The following ZDHHC17 variants were observed in gnomAD, a reference collection of about 807,000 sequenced individuals.
The protein encoded by ZDHHC17 is palmitoyltransferase ZDHHC17.
In ZDHHC17, 40 loss-of-function variants were observed where a neutral mutation model predicts 90.3. The observed-to-expected ratio is 0.44, with a 90% CI of 0.34 to 0.58. The LOEUF (loss-of-function observed/expected upper bound fraction) is 0.58, where lower values mean the gene tolerates loss of function less well. Among genes scored for constraint, ZDHHC17 ranks in the 20% least tolerant of loss-of-function variants. The pLI is 0.01. For missense variants in ZDHHC17, 614 were observed against 780.8 expected (o/e 0.79, Z 2.55); for synonymous variants, 235 against 252.4 (o/e 0.93, Z 0.65).
At chr12:76,813,172 C>T (rs1350218848) in intron 5 of ZDHHC17, 2 of 263,990 alleles carry the variant, frequency 7.6e-6, no homozygotes, top group Non-Finnish European at 1.5e-5. Flanking sequence ...TAAGAATTTA[C>T]ATGCTTGCTT....
chr12:76,820,692 A>G (rs780406556), intron 7 of ZDHHC17, among the ~76,000 whole-genome samples: 1 of 152,114 alleles, frequency 6.6e-6, no homozygotes, highest in East Asian at 1.9e-4. Context: ...CCAAGGAAAA[A>G]TTTTTTTAAA....
chr12:76,828,914 G>A (rs906726311), intron 10 of ZDHHC17, among the ~76,000 whole-genome samples: 1 of 152,022 alleles, frequency 6.6e-6, no homozygotes, highest in Non-Finnish European at 1.5e-5. Flanking sequence ...AATGGGTAAA[G>A]GACACAGACA....
intron 10 of ZDHHC17, among the ~76,000 whole-genome samples, chr12:76,833,226 T>C (rs528520071): frequency 1.2e-4 from 18 of 152,324 alleles, no homozygotes; most frequent in Admixed American, 3.3e-4. Flanking sequence ...TCATTTTACT[T>C]GGTTTTCCAA....
At chr12:76,816,506 A>G (rs1275582578) in intron 7 of ZDHHC17, among the ~76,000 whole-genome samples, 2 of 152,062 alleles carry the variant, frequency 1.3e-5, no homozygotes, top group African/African-American at 4.8e-5. Flanking sequence ...TCATCTTTTA[A>G]TCATATGCAT....
At chr12:76,823,799 T>C (rs1483651426) in intron 8 of ZDHHC17, among the ~76,000 whole-genome samples, 1 of 152,210 alleles carries the variant, frequency 6.6e-6, no homozygotes, top group Non-Finnish European at 1.5e-5. Flanking sequence ...ATTAGATTCA[T>C]AGTTTATAAA....
intron 1 of ZDHHC17, 179 bp downstream of exon 1, chr12:76,764,508 C>T: frequency 3.3e-6 from 2 of 613,098 alleles, no homozygotes; most frequent in South Asian, 4.0e-5. Context: ...GAGGAGATAG[C>T]GGGGCGGGCC....
intron 1 of ZDHHC17, among the ~76,000 whole-genome samples, chr12:76,779,871 T>C (rs2137722151): frequency 6.6e-6 from 1 of 151,270 alleles, no homozygotes; most frequent in Non-Finnish European, 1.5e-5. Context: ...GTTGAGCTTC[T>C]TTTTTCTTTT....
chr12:76,786,621 G>A (rs540390866), intron 1 of ZDHHC17, among the ~76,000 whole-genome samples: 2 of 152,188 alleles, frequency 1.3e-5, no homozygotes, highest in East Asian at 1.9e-4. Flanking sequence ...ACTCCTGGCC[G>A]CATGTGGTCC....
At chr12:76,766,562 C>T (rs1324585659) in intron 1 of ZDHHC17, among the ~76,000 whole-genome samples, 2 of 152,204 alleles carry the variant, frequency 1.3e-5, no homozygotes, top group Non-Finnish European at 2.9e-5. Flanking sequence ...GAAACCCATT[C>T]TCTGTCTTGG....
intron 1 of ZDHHC17, among the ~76,000 whole-genome samples, chr12:76,783,043 G>A (rs1952644959): frequency 6.6e-6 from 1 of 152,166 alleles, no homozygotes; most frequent in Non-Finnish European, 1.5e-5. Context: ...GGTTGACGTT[G>A]AGGCCTAGTT....
At chr12:76,820,914 C>T (rs574498934) in intron 7 of ZDHHC17, 38 of 442,814 alleles carry the variant, frequency 8.6e-5, no homozygotes. Flanking sequence ...ATAGACTTAA[C>T]TCAGAACCCT....
chr12:76,766,732 G>A (rs1401079760), intron 1 of ZDHHC17, among the ~76,000 whole-genome samples: 1 of 152,034 alleles, frequency 6.6e-6, no homozygotes, highest in Non-Finnish European at 1.5e-5. Context: ...AGAAAATGGA[G>A]ATCCTGGCTG....
rs188384498 is a variant in ZDHHC17 at position 76,767,172 on chromosome 12, G to A, written c.93+2843G>A. On this transcript the variant is annotated intron_variant, in intron 1 of 16. Coordinates refer to ENST00000426126, the MANE Select transcript of ZDHHC17 (RefSeq NM_015336.4). ...CTTCTTTTTTCTCTACCAGAAGAAA[G>A]GGAAGTGTTACACATTTATTTTGGT... is the stretch of plus-strand genomic sequence containing the variant. Among the ~76,000 whole-genome samples the A allele has an allele frequency of 7.0e-4, 107 of 152,292 alleles. 1 individual carries two copies. The highest frequency in any genetic ancestry group is 2.3e-3 in the African/African-American group (94 of 41,556).
chr12:76,796,406 T>G (rs1364293510), intron 1 of ZDHHC17, among the ~76,000 whole-genome samples: 1 of 152,154 alleles, frequency 6.6e-6, no homozygotes, highest in Non-Finnish European at 1.5e-5. Flanking sequence ...TTGAGGAAAT[T>G]GACTATATAT....
At chr12:76,836,156 T>G (rs1941755095) in intron 10 of ZDHHC17, among the ~76,000 whole-genome samples, 1 of 152,010 alleles carries the variant, frequency 6.6e-6, no homozygotes, top group African/African-American at 2.4e-5. Flanking sequence ...CTTTGTTATG[T>G]TTTGATATCA....
intron 9 of ZDHHC17, among the ~76,000 whole-genome samples, chr12:76,827,995 G>T (rs898879781): frequency 2.6e-5 from 4 of 152,078 alleles, no homozygotes; most frequent in Non-Finnish European, 4.4e-5. Flanking sequence ...GAGAAATAAT[G>T]ATGAAACAGA....
chr12:76,782,634 T>A (rs1952640250), intron 1 of ZDHHC17, among the ~76,000 whole-genome samples: 2 of 152,118 alleles, frequency 1.3e-5, no homozygotes, highest in African/African-American at 2.4e-5. Flanking sequence ...AGCAAGAGTT[T>A]TAAGAATTGT....
At chr12:76,764,371 C>G in intron 1 of ZDHHC17, 42 bp downstream of exon 1, 1 of 1,528,554 alleles carries the variant, frequency 6.5e-7, no homozygotes. Context: ...CTGCGGCCCT[C>G]CAGCCTTTCT....
chr12:76,814,398 G>A (rs933278265), intron 5 of ZDHHC17, among the ~76,000 whole-genome samples: 3 of 151,780 alleles, frequency 2.0e-5, no homozygotes, highest in African/African-American at 7.3e-5. Context: ...TACATATCAA[G>A]TATTAAATGT....
Sources: allele counts gnomAD v4.1 joint callset (sites outside exome capture counted in the v4.1 genomes callset), GRCh38; gene constraint gnomAD v4.1.1; transcripts MANE v1.5; gene names NCBI Gene and HGNC (gene_info 2026-07-23, HGNC 2026-07-21).